COPS7B: variants seen among roughly 807,000 people sequenced by gnomAD.
COPS7B encodes COP9 signalosome subunit 7B.
In COPS7B, 9 loss-of-function variants were observed where a neutral mutation model predicts 33.4. That is an observed-to-expected ratio of 0.27 (90% CI 0.16 to 0.47). The LOEUF (loss-of-function observed/expected upper bound fraction) is 0.47, where lower values mean the gene tolerates loss of function less well. Ranked by LOEUF, COPS7B falls within the 20% of genes least tolerant of loss-of-function variation. COPS7B has a pLI of 0.99. For synonymous variants in COPS7B, 119 were observed against 126.3 expected (o/e 0.94, Z 0.39); for missense variants, 242 against 318.2 (o/e 0.76, Z 1.82).
At position 231,808,821 on chromosome 2, in the gene COPS7B, G is replaced by GTGTA. The variant is rs2049972327; in HGVS notation, c.*1179_*1180insATGT. 8.0e-6 allele frequency: 2 copies of GTGTA among 249,174 alleles called. No homozygotes were observed. The highest frequency in any genetic ancestry group is 1.6e-5 in the Non-Finnish European group (2 of 127,366). 15.4% of individuals were successfully genotyped at this position (249,174 alleles called of 1,614,324 possible). ...GGGGTGTGTGTGTGTGTGTGTGTGT[G>GTGTA]TGTGTGTGTGTGTGTGTGTGTTTGT... On this transcript the variant is annotated 3_prime_UTR_variant, in exon 7 of 7. Coordinates refer to ENST00000350033, the MANE Select transcript of COPS7B (RefSeq NM_022730.4).
chr2:231,805,782 A>G (rs2049877769), intron 6 of COPS7B, among the ~76,000 whole-genome samples: 1 of 151,564 alleles, frequency 6.6e-6, no homozygotes, highest in South Asian at 2.1e-4. Flanking sequence ...AGCTGGGACT[A>G]CAGGTGCATG....
At chr2:231,786,347 G>T (rs1020661923), upstream of COPS7B, 1 of 742,400 alleles carries the variant, frequency 1.3e-6, no homozygotes, top group Non-Finnish European at 1.6e-6. Context: ...CTGTAAACGC[G>T]GCGGGTGGAA....
At chr2:231,781,731 G>A (rs574651920), upstream of COPS7B, 3 of 1,044,634 alleles carry the variant, frequency 2.9e-6, no homozygotes, top group African/African-American at 1.6e-5. Context: ...CGCGCAGTGT[G>A]CGCAAATTCA....
chr2:231,804,018 G>A (rs546014237), intron 6 of COPS7B, among the ~76,000 whole-genome samples: 20 of 152,180 alleles, frequency 1.3e-4, no homozygotes, highest in Admixed American at 3.9e-4. Flanking sequence ...GTCCAAAGCC[G>A]GCCCAAATCA....
intron 1 of COPS7B, among the ~76,000 whole-genome samples, 172 bp from the exon 2 acceptor site, chr2:231,788,383 G>A (rs2049314494): frequency 6.6e-6 from 1 of 152,096 alleles, no homozygotes; most frequent in East Asian, 1.9e-4. Flanking sequence ...TGATCCACCC[G>A]CCTCAGCCTC....
chr2:231,787,483 A>C (rs577038631), intron 1 of COPS7B, among the ~76,000 whole-genome samples: 1 of 152,180 alleles, frequency 6.6e-6, no homozygotes, highest in African/African-American at 2.4e-5. Flanking sequence ...AGATTACACA[A>C]TTGAGGGACC....
At chr2:231,782,181 A>C (rs1038369336), upstream of COPS7B, among the ~76,000 whole-genome samples, 1 of 152,214 alleles carries the variant, frequency 6.6e-6, no homozygotes, top group African/African-American at 2.4e-5. Context: ...ATTCAGCCCT[A>C]AGTCGGCTGA....
At position 231,807,967 on chromosome 2, in the gene COPS7B, C is replaced by A; in HGVS notation, c.*322C>A. ...CCCTCCCAGTTTTTCTTTTGCTCCA[C>A]GTCATTTTGTCAGGCTGGTTATAAG... On this transcript the variant is annotated 3_prime_UTR_variant, in exon 7 of 7. Transcript: ENST00000350033. 1 of 231,990 alleles carries A rather than the reference C, an allele frequency of 4.3e-6. No individual in the cohort carries two copies. The highest frequency in any genetic ancestry group is 8.4e-6 in the Non-Finnish European group (1 of 119,024). 14.4% of individuals were successfully genotyped at this position (231,990 alleles called of 1,614,324 possible). A position where few individuals can be genotyped will look rare whatever the true frequency, so the allele number is the denominator to read the frequency against.
chr2:231,789,425 C>T (rs1383428026), intron 2 of COPS7B: 1 of 152,364 alleles, frequency 6.6e-6, no homozygotes, highest in Admixed American at 6.5e-5. Flanking sequence ...TGAGAAAAGT[C>T]TGTAAGCATC....
upstream of COPS7B, chr2:231,782,007 T>C: frequency 1.1e-6 from 1 of 891,326 alleles, no homozygotes; most frequent in Non-Finnish European, 1.7e-6. Flanking sequence ...GGTTTTTTGC[T>C]GTATTCCTGG....
rs552119998 is a variant in COPS7B at position 231,788,645 on chromosome 2, A to G, written c.75A>G (p.Ser25=). 1 of 1,614,176 alleles carries G rather than the reference A, an allele frequency of 6.2e-7. No homozygotes were observed. The highest frequency in any genetic ancestry group is 1.3e-5 in the African/African-American group (1 of 75,058). ...TACTAGCCAAAGGTACCAGTGGCTC[A>G]GCCCTCACTGCTCTCATAAGCCAGG... ...FILLAKGTSG[S]ALTALISQVL... The change falls in exon 2 of 7, where the codon TCA becomes TCG. Residue 25 remains serine (S), a synonymous_variant. Transcript: ENST00000350033.
chr2:231,786,939 G>A lies in COPS7B; in HGVS notation c.-17+401G>A, dbSNP rs565257423. On this transcript the variant is annotated intron_variant, in intron 1 of 6. Coordinates refer to ENST00000350033, the MANE Select transcript of COPS7B (RefSeq NM_022730.4). ...TACATTCTCTGCGCCCACAGGCTTT[G>A]CTCCTTAAGCCGAGATTTTTTGAAG... 3.3e-5 allele frequency among the ~76,000 whole-genome samples: 5 copies of A among 152,296 alleles called. No homozygotes were observed. In the South Asian group the frequency reaches 1.0e-3, roughly 32 times the overall value.
rs139624908 is a variant in COPS7B at position 231,792,616 on chromosome 2, C to G, written c.238+808C>G. 7.7e-3 allele frequency among the ~76,000 whole-genome samples: 1,170 copies of G among 152,218 alleles called. 13 individuals carry two copies. Among genetic ancestry groups the G allele is most frequent in the Non-Finnish European group, 0.011 (733 of 68,006 alleles). On this transcript the variant is annotated intron_variant, in intron 3 of 6. Coordinates refer to ENST00000350033, the MANE Select transcript of COPS7B (RefSeq NM_022730.4). ...TACAACTATGTATACAGTTTTATGT[C>G]TTGCTTGTTTCTTCCCACTTACAAA...
At chr2:231,791,908 A>G in intron 3 of COPS7B, 100 bp downstream of exon 3, 1 of 1,073,700 alleles carries the variant, frequency 9.3e-7, no homozygotes, top group Non-Finnish European at 1.4e-6. Context: ...TAGTGGGGAG[A>G]CTTCTTGACC....
upstream of COPS7B, among the ~76,000 whole-genome samples, chr2:231,785,518 T>G (rs1162696855): frequency 6.6e-6 from 1 of 152,250 alleles, no homozygotes; most frequent in Non-Finnish European, 1.5e-5. Flanking sequence ...CCATAGCATT[T>G]AACACATTGG....
chr2:231,799,903 A>G (rs2049694014), intron 6 of COPS7B, among the ~76,000 whole-genome samples: 1 of 152,182 alleles, frequency 6.6e-6, no homozygotes, highest in African/African-American at 2.4e-5. Flanking sequence ...CTCCTTGAAA[A>G]TAAAACCTGT....
In COPS7B at chr2:231,807,555, G is replaced by A. The variant is rs1402574931; in HGVS notation, c.705G>A (p.Leu235=). ...SSSAQEMEQQ[L]AERECPPHAE... Reference sequence around the variant, plus strand: ...CGGCTCAGGAGATGGAGCAGCAGCTGGCTGAACGGGAGTGTCCCCCTCACG... The same window carrying A: ...CGGCTCAGGAGATGGAGCAGCAGCTAGCTGAACGGGAGTGTCCCCCTCACG... The change falls in exon 7 of 7, where the codon CTG becomes CTA. Residue 235 remains leucine (L), a synonymous_variant. Transcript: ENST00000350033. The A allele has an allele frequency of 1.9e-6, 3 of 1,612,448 alleles. No individual in the cohort carries two copies. Among genetic ancestry groups the A allele is most frequent in the East Asian group, 2.2e-5 (1 of 44,878 alleles).
At chr2:231,801,258 C>G in intron 6 of COPS7B, 2 of 1,548,022 alleles carry the variant, frequency 1.3e-6, no homozygotes, top group Non-Finnish European at 1.7e-6. Context: ...AGCCCTATCA[C>G]AGACTGCCGA....
At chr2:231,805,811 A>ATT (rs76922839) in intron 6 of COPS7B, among the ~76,000 whole-genome samples, 6 of 142,714 alleles carry the variant, frequency 4.2e-5, no homozygotes, top group African/African-American at 1.0e-4. Context: ...CCTGGCTAAA[A>ATT]TTTTTTTTTT....
Sources: gnomAD v4.1 joint callset for allele counts (sites outside exome capture counted in the v4.1 genomes callset) on GRCh38, gnomAD v4.1.1 for gene constraint, MANE v1.5 for transcripts, NCBI Gene and HGNC (gene_info 2026-07-23, HGNC 2026-07-21) for gene names.